The following ADCY5 variants were observed in gnomAD, a reference collection of about 807,000 sequenced individuals.
The protein encoded by ADCY5 is adenylate cyclase type 5.
A neutral mutation model predicts 119.7 loss-of-function variants in ADCY5; 30 were observed. That is an observed-to-expected ratio of 0.25 (90% CI 0.19 to 0.34). The LOEUF (loss-of-function observed/expected upper bound fraction) is 0.34. ADCY5 is among the 10% of genes least tolerant of loss of function. The pLI is 1.00. For synonymous variants in ADCY5, 753 were observed against 762.2 expected (o/e 0.99, Z 0.20); for missense variants, 1,324 against 1,775.2 (o/e 0.75, Z 4.57).
At chr3:123,303,805 A>C (rs559599146) in intron 13 of ADCY5, among the ~76,000 whole-genome samples, 1 of 151,786 alleles carries the variant, frequency 6.6e-6, no homozygotes. Context: ...AGCCTGGGTG[A>C]AAGAGTAAGA....
intron 12 of ADCY5, among the ~76,000 whole-genome samples, chr3:123,307,358 T>C (rs1395592694): frequency 6.6e-6 from 1 of 152,102 alleles, no homozygotes; most frequent in Non-Finnish European, 1.5e-5. Flanking sequence ...TATTGGGAAA[T>C]TGGGAATAGC....
Position 123,297,088 on chromosome 3 carries a change from T to C in ADCY5, c.2930+265A>G, listed in dbSNP as rs1047100850. 15 of 1,518,888 alleles carry C rather than the reference T, an allele frequency of 9.9e-6. No individual in the cohort carries two copies. In the Admixed American group the frequency reaches 2.8e-4, roughly 28 times the overall value. The allele number at this position is 1,518,888 out of a possible 1,614,324, so 94.1% of individuals were successfully genotyped here. A position where few individuals can be genotyped will look rare whatever the true frequency, so the allele number is the denominator to read the frequency against. ...GAGCTTGAGGTTAAATGCTTTAACA[T>C]GAGGCCTATGGGATGATCTGAAGCC... On this transcript the variant is annotated intron_variant, in intron 16 of 20. Coordinates refer to ENST00000462833, the MANE Select transcript of ADCY5 (RefSeq NM_183357.3).
chr3:123,406,360 C>T (rs1033829011), intron 1 of ADCY5, among the ~76,000 whole-genome samples: 96 of 152,366 alleles, frequency 6.3e-4, no homozygotes, highest in African/African-American at 2.2e-3. Context: ...CCCCGCATGG[C>T]ATGGCATGGC....
rs1559772228 is a variant in ADCY5 at position 123,283,825 on chromosome 3, A to AAAAAT, written c.*778_*782dup. On this transcript the variant is annotated 3_prime_UTR_variant, in exon 21 of 21. Coordinates refer to ENST00000462833, the MANE Select transcript of ADCY5 (RefSeq NM_183357.3). ...CCAAGGCTTTCAATAATACAAAATA[A>AAAAAT]AAAATACAAAAAAGACAAGTGGGGA... The AAAAAT allele has an allele frequency of 6.6e-6, 1 of 152,158 alleles. No homozygotes were observed. Among genetic ancestry groups the AAAAAT allele is most frequent in the Non-Finnish European group, 1.5e-5 (1 of 68,052 alleles). The allele number at this position is 152,158 out of a possible 1,614,324, so 9.4% of individuals were successfully genotyped here.
chr3:123,290,169 C>T (rs1939054686), intron 18 of ADCY5, among the ~76,000 whole-genome samples: 1 of 152,194 alleles, frequency 6.6e-6, no homozygotes, highest in African/African-American at 2.4e-5. Flanking sequence ...TGGACAGTGC[C>T]TGTGGGCTAC....
chr3:123,307,328 A>G (rs1940253841), intron 12 of ADCY5, among the ~76,000 whole-genome samples: 1 of 151,892 alleles, frequency 6.6e-6, no homozygotes. Flanking sequence ...GTTACTCTAC[A>G]CTCTGAGCTT....
At chr3:123,293,978 G>A (rs1939336320) in intron 17 of ADCY5, among the ~76,000 whole-genome samples, 1 of 152,176 alleles carries the variant, frequency 6.6e-6, no homozygotes, top group Non-Finnish European at 1.5e-5. Context: ...GCGTGTGTTG[G>A]AAAGTCAGGA....
At chr3:123,431,486 A>G (rs577751311) in intron 1 of ADCY5, among the ~76,000 whole-genome samples, 54 of 152,158 alleles carry the variant, frequency 3.5e-4, no homozygotes, top group Non-Finnish European at 6.5e-4. Flanking sequence ...GAGCTAATAG[A>G]GTTAATATTT....
At position 123,358,087 on chromosome 3, in the gene ADCY5, G is replaced by GGCCTAA. The variant is rs1408091243; in HGVS notation, c.1135-5512_1135-5507dup. On this transcript the variant is annotated intron_variant, in intron 1 of 20. Coordinates refer to ENST00000462833, the MANE Select transcript of ADCY5 (RefSeq NM_183357.3). ...AGGCTTCACAACAGCAGGTAAACAG[G>GGCCTAA]GCCTAATTAAGGGTTTATTGGTTTT... is the stretch of plus-strand genomic sequence containing the variant. 3.3e-5 allele frequency among the ~76,000 whole-genome samples: 5 copies of GGCCTAA among 152,050 alleles called. No individual in the cohort carries two copies. The East Asian group carries it at 9.7e-4, about 29-fold the overall frequency.
Position 123,300,315 on chromosome 3 carries a change from G to C in ADCY5, c.2725-20C>G. 5.0e-6 allele frequency: 8 copies of C among 1,611,484 alleles called. No homozygotes were observed. The highest frequency in any genetic ancestry group is 6.8e-6 in the Non-Finnish European group (8 of 1,179,294). On this transcript the variant is annotated intron_variant, in intron 14 of 20. Coordinates refer to ENST00000462833, the MANE Select transcript of ADCY5 (RefSeq NM_183357.3). ...GAAGTACTGCGGGCAGAGGGCAGCA[G>C]CATCAGCTCCCCAGGCCCTGCCCGA...
intron 1 of ADCY5, among the ~76,000 whole-genome samples, chr3:123,435,121 C>CA (rs1413988148): frequency 2.0e-5 from 3 of 151,846 alleles, no homozygotes; most frequent in Non-Finnish European, 2.9e-5. Flanking sequence ...TCCATCTCCA[C>CA]AAAAAACACA....
intron 15 of ADCY5, 70 bp downstream of exon 15, chr3:123,300,050 A>G: frequency 1.3e-6 from 2 of 1,540,262 alleles, no homozygotes; most frequent in Non-Finnish European, 1.8e-6. Context: ...AGAACCCTAA[A>G]CCTCCTGCTC....
chr3:123,366,971 A>T (rs1455447297), intron 1 of ADCY5, among the ~76,000 whole-genome samples: 4 of 152,246 alleles, frequency 2.6e-5, no homozygotes, highest in Admixed American at 2.6e-4. Context: ...GATGCTACTT[A>T]GAAAGACTTT....
intron 1 of ADCY5, among the ~76,000 whole-genome samples, chr3:123,428,808 C>T (rs185073546): frequency 1.3e-5 from 2 of 152,356 alleles, no homozygotes; most frequent in African/African-American, 4.8e-5. Context: ...CTCACTGAAT[C>T]AGACTCTCTT....
chr3:123,315,102 G>A (rs1940840291), intron 11 of ADCY5, among the ~76,000 whole-genome samples: 2 of 152,272 alleles, frequency 1.3e-5, no homozygotes, highest in South Asian at 4.1e-4. Flanking sequence ...GCAAGGGCTG[G>A]CCCAGGGACA....
At chr3:123,412,887 C>T (rs973912417) in intron 1 of ADCY5, among the ~76,000 whole-genome samples, 1 of 152,066 alleles carries the variant, frequency 6.6e-6, no homozygotes, top group East Asian at 1.9e-4. Flanking sequence ...CGTCCAGGAA[C>T]GTGCCTGTCA....
At chr3:123,334,829 G>A (rs191048554) in intron 3 of ADCY5, among the ~76,000 whole-genome samples, 114 of 152,302 alleles carry the variant, frequency 7.5e-4, no homozygotes, top group African/African-American at 2.3e-3. Context: ...GTGATGTCAC[G>A]TATCCACAGT....
chr3:123,319,502 G>A (rs989571844), intron 10 of ADCY5, among the ~76,000 whole-genome samples, 172 bp downstream of exon 10: 2 of 152,074 alleles, frequency 1.3e-5, no homozygotes, highest in South Asian at 4.1e-4. Context: ...TCCAACCAGG[G>A]AAGCCTCCCT....
chr3:123,346,196 G>T (rs1942541844), intron 3 of ADCY5, among the ~76,000 whole-genome samples: 1 of 152,240 alleles, frequency 6.6e-6, no homozygotes, highest in African/African-American at 2.4e-5. Context: ...GGGAGAAGCA[G>T]CAGGGAAATG....
Sources: gnomAD v4.1 joint callset for allele counts (sites outside exome capture counted in the v4.1 genomes callset) on GRCh38, gnomAD v4.1.1 for gene constraint, MANE v1.5 for transcripts, NCBI Gene and HGNC (gene_info 2026-07-23, HGNC 2026-07-21) for gene names.